The following NYNRIN variants were observed in gnomAD, a reference collection of about 807,000 sequenced individuals.
The protein encoded by NYNRIN is NYN domain and retroviral integrase containing, also known as protein NYNRIN.
A neutral mutation model predicts 146.6 loss-of-function variants in NYNRIN; 86 were observed. The observed-to-expected ratio is 0.59, with a 90% CI of 0.49 to 0.70. The LOEUF (loss-of-function observed/expected upper bound fraction) is 0.70, where lower values mean the gene tolerates loss of function less well. NYNRIN is among the 30% of genes least tolerant of loss of function. NYNRIN has a pLI of 0.00. For missense variants in NYNRIN, 2,191 were observed against 2,377.7 expected, an observed-to-expected ratio of 0.92 and a Z score of 1.63; for synonymous variants, 1,027 against 1,001.3, an observed-to-expected ratio of 1.03 and a Z score of -0.48.
At chr14:24,410,691 A>G (rs2042906994) in intron 4 of NYNRIN, among the ~76,000 whole-genome samples, 1 of 152,212 alleles carries the variant, frequency 6.6e-6, no homozygotes, top group Admixed American at 6.5e-5. Flanking sequence ...TGCATGCCAC[A>G]TAATTTGCCA....
In NYNRIN at chr14:24,399,366, C is replaced by G; in HGVS notation, c.120C>G (p.Asn40Lys). 1 of 1,613,854 alleles carries G rather than the reference C, an allele frequency of 6.2e-7. No homozygotes were observed. Among genetic ancestry groups the G allele is most frequent in the Non-Finnish European group, 8.5e-7 (1 of 1,179,850 alleles). ...AGCGCATCTTTAGGGTCAAGCTGAA[C>G]GCCTTCCAGAGCCGCCCGGACACCC... ...QVQRIFRVKL[N>K]AFQSRPDTPY... Residue 40 changes from asparagine to lysine, a missense_variant, in exon 2 of 9, where the codon AAC becomes AAG. By Grantham distance (94) the Asn-to-Lys change is moderately conservative. Around this residue, in one of 3 missense-constraint regions of NYNRIN, gnomAD observed 895 missense variants for 941.2 expected, o/e 0.95. Transcript: ENST00000382554.
In NYNRIN at chr14:24,417,407, G is replaced by C; in HGVS notation, c.5658G>C (p.Lys1886Asn). 2 of 1,548,330 alleles carry C rather than the reference G, an allele frequency of 1.3e-6. No individual in the cohort carries two copies. Among genetic ancestry groups the C allele is most frequent in the Non-Finnish European group, 1.7e-6 (2 of 1,144,682 alleles). The change falls in exon 9 of 9, where the codon AAG (lysine) becomes AAC (asparagine). Residue 1886 changes from lysine to asparagine, a missense_variant. By Grantham distance (94) the Lys-to-Asn change is moderately conservative. This residue lies in a region of NYNRIN where 1,291 missense variants were observed against 1,417.0 expected (regional missense o/e 0.91). Transcript: ENST00000382554. Reference sequence around the variant, plus strand: ...GCAGTCTGATGAAGGCCTTTGCCAAGAGTGGCACCCCGCTGTCCTTCAAGG... The same window carrying C: ...GCAGTCTGATGAAGGCCTTTGCCAACAGTGGCACCCCGCTGTCCTTCAAGG... ...YPSSLMKAFA[K>N]SGTPLSFKVL...
rs772635571 is a variant in NYNRIN at position 24,409,046 on chromosome 14, C to A, written c.1252C>A (p.Gln418Lys). 1 of 1,613,358 alleles carries A rather than the reference C, an allele frequency of 6.2e-7. No homozygotes were observed. Among genetic ancestry groups the A allele is most frequent in the Non-Finnish European group, 8.5e-7 (1 of 1,179,660 alleles). The change falls in exon 4 of 9, where the codon CAG becomes AAG. Residue 418 changes from glutamine (Q) to lysine (K), a missense_variant. Around this residue, in one of 3 missense-constraint regions of NYNRIN, gnomAD observed 895 missense variants for 941.2 expected, o/e 0.95. Coordinates refer to ENST00000382554, the MANE Select transcript of NYNRIN (RefSeq NM_025081.3). ...TTTGCCCTTAAATCTGGAGTGGAAG[C>A]AGAAGGAGCTGGCTCCTCTGCCTAG... ...NPLPLNLEWK[Q>K]KELAPLPSAE...
Position 24,409,363 on chromosome 14 carries a change from C to T in NYNRIN, c.1569C>T (p.Pro523=), listed in dbSNP as rs183366368. The change falls in exon 4 of 9, where the codon CCC becomes CCT. Residue 523 remains proline (P), a synonymous_variant. Coordinates refer to ENST00000382554, the MANE Select transcript of NYNRIN (RefSeq NM_025081.3). The part of the protein sequence containing the change: ...APVLPTGQGK[P]VAQGGLTDQS... ...TGCTGCCAACAGGGCAAGGGAAGCC[C>T]GTGGCTCAAGGGGGGCTGACAGATC... 1,304 of 1,614,014 alleles carry T rather than the reference C, an allele frequency of 8.1e-4. 10 individuals are homozygous for T. The African/African-American group carries it at 0.015, about 18-fold the overall frequency.
chr14:24,402,281 C>T (rs1177255020), intron 2 of NYNRIN, among the ~76,000 whole-genome samples: 1 of 152,150 alleles, frequency 6.6e-6, no homozygotes, highest in Non-Finnish European at 1.5e-5. Flanking sequence ...GAGGTGAAAT[C>T]AGTGAGTGGA....
rs1262797212 is a variant in NYNRIN, at chr14:24,408,974, C to G, written c.1180C>G (p.Gln394Glu). The change falls in exon 4 of 9, where the codon CAG becomes GAG. Residue 394 changes from glutamine (Q) to glutamate (E), a missense_variant. This residue lies in a region of NYNRIN where 895 missense variants were observed against 941.2 expected (regional missense o/e 0.95). Coordinates refer to ENST00000382554, the MANE Select transcript of NYNRIN (RefSeq NM_025081.3). ...GGCGTGCTTCAATTTCCCCTTCTGG[C>G]AGAGACCTCTGGGCCCCATTCAGTT... ...SQACFNFPFW[Q>E]RPLGPIQLKL... 6.8e-6 allele frequency: 11 copies of G among 1,613,820 alleles called. No individual in the cohort carries two copies. The Admixed American group carries it at 1.8e-4, about 27-fold the overall frequency.
intron 2 of NYNRIN, among the ~76,000 whole-genome samples, chr14:24,401,684 A>G (rs925034372): frequency 1.3e-5 from 2 of 152,222 alleles, no homozygotes; most frequent in Non-Finnish European, 2.9e-5. Flanking sequence ...TGCTGAAATC[A>G]TGCATGTTAC....
At position 24,408,127 on chromosome 14, in the gene NYNRIN, G is replaced by T; in HGVS notation, c.457G>T (p.Gly153Trp). 6.2e-7 allele frequency: 1 copy of T among 1,609,508 alleles called. No homozygotes were observed. Among genetic ancestry groups the T allele is most frequent in the East Asian group, 2.2e-5 (1 of 44,858 alleles). Reference protein sequence around the residue: ...WGPAPLLTPRGIWEAEVTRAF... With the variant: ...WGPAPLLTPRWIWEAEVTRAF... ...CCCTGCCCCTCTGCTGACCCCCCGGGGGATCTGGGAGGCTGAGGTGACCCG... is the reference window on the plus strand; with the variant it reads ...CCCTGCCCCTCTGCTGACCCCCCGGTGGATCTGGGAGGCTGAGGTGACCCG... Residue 153 changes from glycine to tryptophan, a missense_variant, in exon 3 of 9, where the codon GGG (glycine) becomes TGG (tryptophan). Coordinates refer to ENST00000382554, the MANE Select transcript of NYNRIN (RefSeq NM_025081.3).
chr14:24,413,384 C>T lies in NYNRIN; in HGVS notation c.2813C>T (p.Pro938Leu), dbSNP rs905758273. The T allele has an allele frequency of 1.2e-6, 2 of 1,613,132 alleles. No homozygotes were observed. The highest frequency in any genetic ancestry group is 2.2e-5 in the East Asian group (1 of 44,864). Residue 938 changes from proline to leucine, a missense_variant, in exon 8 of 9, where the codon CCC becomes CTC. Pro to Leu is a moderately conservative substitution (Grantham distance 98). Coordinates refer to ENST00000382554, the MANE Select transcript of NYNRIN (RefSeq NM_025081.3). ...GATGACCCCCTGGGCCGTGATGGCC[C>T]CACCTTGGATGAGTTTCTGAAGAAG... Reference protein sequence around the residue: ...VPDDPLGRDGPTLDEFLKKPN... With the variant: ...VPDDPLGRDGLTLDEFLKKPN...
intron 4 of NYNRIN, 100 bp from the exon 5 acceptor site, chr14:24,410,976 T>C (rs1233407928): frequency 8.6e-6 from 12 of 1,401,400 alleles, no homozygotes; most frequent in Middle Eastern, 2.3e-4. Context: ...GAGGGCATCA[T>C]TGGTGTCCTT....
At position 24,417,818 on chromosome 14, in the gene NYNRIN, G is replaced by A. The variant is rs72694395; in HGVS notation, c.*372G>A. The A allele has an allele frequency of 0.11, 23,670 of 213,658 alleles. 1,493 individuals carry two copies. Among genetic ancestry groups the A allele is most frequent in the Non-Finnish European group, 0.14 (14,540 of 106,934 alleles). The allele number at this position is 213,658 out of a possible 1,614,324, so 13.2% of individuals were successfully genotyped here. ...CACACTCACGAAAGAATCTATCTTG[G>A]CCATGAAACTGTGGCTGTTGACCTT... On this transcript the variant is annotated 3_prime_UTR_variant, in exon 9 of 9. Coordinates refer to ENST00000382554, the MANE Select transcript of NYNRIN (RefSeq NM_025081.3).
rs752803644 is a variant in NYNRIN, at chr14:24,415,518, C to T, written c.3769C>T (p.Arg1257Ter). ...CAGGGTTTCCAAAGCTTGGTTGATC[C>T]GATGGTCCCTCTTGGTTCAGGACAA... ...GRRVSKAWLIRWSLLVQDKGK... is the reference protein window; with the variant it reads ...GRRVSKAWLI The change falls in exon 9 of 9, where the codon CGA (arginine) becomes TGA (stop). Residue 1257 changes from arginine to a stop codon, truncating the protein, a stop_gained. Transcript: ENST00000382554. LOFTEE classifies it high-confidence loss of function. The T allele has an allele frequency of 7.4e-6, 12 of 1,613,872 alleles. No homozygotes were observed. Among genetic ancestry groups the T allele is most frequent in the Admixed American group, 1.7e-5 (1 of 60,018 alleles).
rs1462267767 is a variant in NYNRIN at position 24,408,249 on chromosome 14, G to A, written c.579G>A (p.Val193=). The A allele has an allele frequency of 1.2e-6, 2 of 1,609,104 alleles. No homozygotes were observed. The highest frequency in any genetic ancestry group is 2.7e-5 in the African/African-American group (2 of 74,898). Residue 193 remains valine, a synonymous_variant, in exon 3 of 9, where the codon GTG becomes GTA. Transcript: ENST00000382554. The part of the protein sequence containing the change: ...PAVQELLLSL[V]RDAAGKEDII... ...TCCAGGAGCTGCTGCTGAGCCTGGT[G>A]CGGGATGCTGCGGGCAAGGAAGACA...
At position 24,404,839 on chromosome 14, in the gene NYNRIN, T is replaced by C. The variant is rs1042598773; in HGVS notation, c.199-3030T>C. 3.3e-5 allele frequency among the ~76,000 whole-genome samples: 5 copies of C among 152,176 alleles called. No homozygotes were observed. In the East Asian group the frequency reaches 5.8e-4, roughly 18 times the overall value. Reference sequence around the variant, plus strand: ...TGAGTTTCTCTGCGTTTAGCTTGCATTGTATACATCATTCTTTGGCCCTCC... The same window carrying C: ...TGAGTTTCTCTGCGTTTAGCTTGCACTGTATACATCATTCTTTGGCCCTCC... On this transcript the variant is annotated intron_variant, in intron 2 of 8. Transcript: ENST00000382554.
chr14:24,413,209 C>A (rs1296921908), intron 7 of NYNRIN, 107 bp from the exon 8 acceptor site: 5 of 1,334,912 alleles, frequency 3.7e-6, no homozygotes, highest in African/African-American at 2.9e-5. Context: ...TGCCCACCAG[C>A]ACCTGCCAGG....
intron 4 of NYNRIN, among the ~76,000 whole-genome samples, chr14:24,410,865 GCACA>G (rs148834854): frequency 6.6e-6 from 1 of 151,484 alleles, no homozygotes; most frequent in Admixed American, 6.6e-5. Flanking sequence ...ACAGGTACAT[GCACA>G]CACACACACA....
intron 2 of NYNRIN, 83 bp from the exon 3 acceptor site, chr14:24,407,786 G>A: frequency 1.5e-6 from 2 of 1,328,426 alleles, no homozygotes; most frequent in East Asian, 4.7e-5. Flanking sequence ...TTAGTGAGGG[G>A]CTGGCCTTTT....
At position 24,399,375 on chromosome 14, in the gene NYNRIN, G is replaced by C; in HGVS notation, c.129G>C (p.Gln43His). ...RIFRVKLNAF[Q>H]SRPDTPYFWL... ...TTAGGGTCAAGCTGAACGCCTTCCAGAGCCGCCCGGACACCCCCTACTTCT... is the reference window on the plus strand; with the variant it reads ...TTAGGGTCAAGCTGAACGCCTTCCACAGCCGCCCGGACACCCCCTACTTCT... The change falls in exon 2 of 9, where the codon CAG becomes CAC. Residue 43 changes from glutamine to histidine, a missense_variant. Physicochemically the swap from Gln to His is conservative, Grantham distance 24. This residue lies in a region of NYNRIN where 895 missense variants were observed against 941.2 expected (regional missense o/e 0.95). Coordinates refer to ENST00000382554, the MANE Select transcript of NYNRIN (RefSeq NM_025081.3). The C allele has an allele frequency of 6.2e-7, 1 of 1,613,820 alleles. No homozygotes were observed. The highest frequency in any genetic ancestry group is 1.1e-5 in the South Asian group (1 of 91,064).
rs768490988 is a variant in NYNRIN at position 24,409,877 on chromosome 14, G to A, written c.2083G>A (p.Asp695Asn). Residue 695 changes from aspartate to asparagine, a missense_variant, in exon 4 of 9, where the codon GAT becomes AAT. Physicochemically the swap from Asp to Asn is conservative, Grantham distance 23. Around this residue, in one of 3 missense-constraint regions of NYNRIN, gnomAD observed 895 missense variants for 941.2 expected, o/e 0.95. Coordinates refer to ENST00000382554, the MANE Select transcript of NYNRIN (RefSeq NM_025081.3). ...GCCCACGGATGCAGGGCCAACCTTGGATGTAGCCAGACTTCTGAGTGAGGT... is the reference window on the plus strand; with the variant it reads ...GCCCACGGATGCAGGGCCAACCTTGAATGTAGCCAGACTTCTGAGTGAGGT... ...KVPTDAGPTLDVARLLSEVQP... is the reference protein window; with the variant it reads ...KVPTDAGPTLNVARLLSEVQP... The A allele has an allele frequency of 1.2e-6, 2 of 1,613,334 alleles. No individual in the cohort carries two copies. Among genetic ancestry groups the A allele is most frequent in the Non-Finnish European group, 1.7e-6 (2 of 1,179,680 alleles).
Sources: allele counts gnomAD v4.1 joint callset (sites outside exome capture counted in the v4.1 genomes callset), GRCh38; gene constraint gnomAD v4.1.1; regional missense constraint gnomAD v4.1.1; transcripts MANE v1.5; gene names NCBI Gene and HGNC (gene_info 2026-07-23, HGNC 2026-07-21).